PIK3AP1: variants seen among roughly 807,000 people sequenced by gnomAD.
PIK3AP1 encodes the protein phosphoinositide-3-kinase adaptor protein 1, also known as phosphoinositide 3-kinase adapter protein 1.
In PIK3AP1, 21 loss-of-function variants were observed where a neutral mutation model predicts 88.1. The ratio of observed to expected loss-of-function variants is 0.24; its 90% CI spans 0.17 to 0.34. The LOEUF (loss-of-function observed/expected upper bound fraction) is 0.34, where lower values mean the gene tolerates loss of function less well. Among genes scored for constraint, PIK3AP1 ranks in the 10% least tolerant of loss-of-function variants. PIK3AP1 has a pLI of 1.00. For synonymous variants in PIK3AP1, 398 were observed against 400.0 expected (o/e 1.00, Z 0.06); for missense variants, 828 against 1,035.7 (o/e 0.80, Z 2.75).
chr10:96,697,644 G>A (rs774226250), intron 2 of PIK3AP1, among the ~76,000 whole-genome samples: 5 of 151,906 alleles, frequency 3.3e-5, no homozygotes, highest in South Asian at 4.2e-4. Context: ...TGAGAGGATC[G>A]CTTGAGCCTG....
At chr10:96,689,753 C>G (rs567073251) in intron 2 of PIK3AP1, among the ~76,000 whole-genome samples, 1 of 152,248 alleles carries the variant, frequency 6.6e-6, no homozygotes, top group South Asian at 2.1e-4. Flanking sequence ...GAACTGAACT[C>G]ACCCACTGAG....
intron 13 of PIK3AP1, among the ~76,000 whole-genome samples, chr10:96,614,963 G>A (rs1357868093): frequency 6.6e-6 from 1 of 152,194 alleles, no homozygotes; most frequent in Admixed American, 6.5e-5. Flanking sequence ...TCCAGTCTGT[G>A]ATATGTAAAA....
chr10:96,642,195 C>A (rs1439985716), intron 8 of PIK3AP1, among the ~76,000 whole-genome samples: 1 of 152,098 alleles, frequency 6.6e-6, no homozygotes, highest in African/African-American at 2.4e-5. Context: ...GAGGCCAAAG[C>A]AGACGGATTG....
intron 6 of PIK3AP1, among the ~76,000 whole-genome samples, chr10:96,649,623 T>C (rs1843510146): frequency 6.6e-6 from 1 of 152,262 alleles, no homozygotes; most frequent in Admixed American, 6.5e-5. Flanking sequence ...CAAGTAATCC[T>C]GGGTATGTTC....
intron 1 of PIK3AP1, among the ~76,000 whole-genome samples, chr10:96,715,313 G>C (rs553987131): frequency 6.6e-6 from 1 of 152,288 alleles, no homozygotes; most frequent in East Asian, 1.9e-4. Context: ...TCACAGCCTT[G>C]AAGGGCCTAG....
chr10:96,602,019 G>A (rs1343480810), intron 16 of PIK3AP1, among the ~76,000 whole-genome samples: 1 of 152,136 alleles, frequency 6.6e-6, no homozygotes, highest in African/African-American at 2.4e-5. Flanking sequence ...GAGTGGCTGG[G>A]ACTACAGGCG....
In PIK3AP1 at chr10:96,603,988, C is replaced by T; in HGVS notation, c.2232G>A (p.Gly744=). The change falls in exon 15 of 17, where the codon GGG becomes GGA. Residue 744 remains glycine, a synonymous_variant. Transcript: ENST00000339364. ...SLLSVSSGME[G]DNEDNEVPEV... ...GAGTCCCAGCTCTCACCTCGTTGTCCCCTTCCATCCCGCTGCTCACACTGA... is the reference window on the plus strand; with the variant it reads ...GAGTCCCAGCTCTCACCTCGTTGTCTCCTTCCATCCCGCTGCTCACACTGA... The T allele has an allele frequency of 6.2e-7, 1 of 1,605,664 alleles. No homozygotes were observed. The highest frequency in any genetic ancestry group is 1.1e-5 in the South Asian group (1 of 89,298).
At chr10:96,711,691 A>G (rs947876422) in intron 1 of PIK3AP1, among the ~76,000 whole-genome samples, 2 of 150,932 alleles carry the variant, frequency 1.3e-5, no homozygotes, top group Admixed American at 6.6e-5. Context: ...CAACATGTAC[A>G]ATGCAAGCCC....
chr10:96,658,394 C>T (rs1843643464), intron 2 of PIK3AP1, among the ~76,000 whole-genome samples: 1 of 152,150 alleles, frequency 6.6e-6, no homozygotes, highest in African/African-American at 2.4e-5. Flanking sequence ...CCCTGGAAAG[C>T]TGTAACCACA....
chr10:96,614,681 C>T (rs578127333), intron 13 of PIK3AP1, among the ~76,000 whole-genome samples: 5 of 152,194 alleles, frequency 3.3e-5, no homozygotes, highest in Non-Finnish European at 7.3e-5. Flanking sequence ...GACTCATTAG[C>T]TACCAGATGG....
chr10:96,599,855 T>A (rs117540620), intron 16 of PIK3AP1, among the ~76,000 whole-genome samples: 1 of 152,114 alleles, frequency 6.6e-6, no homozygotes, highest in Non-Finnish European at 1.5e-5. Context: ...TCTCCCCATC[T>A]CTATCACAAC....
intron 2 of PIK3AP1, among the ~76,000 whole-genome samples, chr10:96,678,391 C>T (rs539695393): frequency 6.6e-6 from 1 of 152,184 alleles, no homozygotes; most frequent in South Asian, 2.1e-4. Context: ...GTCGAGATCA[C>T]ACCACTGCAC....
At chr10:96,635,868 G>T (rs533668175) in intron 8 of PIK3AP1, among the ~76,000 whole-genome samples, 12 of 152,092 alleles carry the variant, frequency 7.9e-5, no homozygotes, top group Non-Finnish European at 1.8e-4. Context: ...TTGCACGACG[G>T]CACTCCAGCC....
chr10:96,718,078 C>T (rs1171116393), intron 1 of PIK3AP1, among the ~76,000 whole-genome samples: 1 of 152,112 alleles, frequency 6.6e-6, no homozygotes. Context: ...CTATGTGATT[C>T]CATTCATATA....
chr10:96,604,381 A>C, intron 14 of PIK3AP1, among the ~76,000 whole-genome samples: 1 of 72,778 alleles, frequency 1.4e-5, no homozygotes, highest in African/African-American at 5.4e-5. Context: ...TTTTTTTTGT[A>C]GCAACAGGAT....
chr10:96,605,952 C>T lies in PIK3AP1; in HGVS notation c.2171-1903G>A, dbSNP rs921285846. On this transcript the variant is annotated intron_variant, in intron 14 of 16. Transcript: ENST00000339364. ...TACAAAAATTAGCTGGGCGTGGTCG[C>T]GGGTGCCTGTAATTCCAGCTACTTG... is the stretch of plus-strand genomic sequence containing the variant. Among the ~76,000 whole-genome samples, 21 of 152,204 alleles carry T rather than the reference C, an allele frequency of 1.4e-4. No individual in the cohort carries two copies. The East Asian group carries it at 2.1e-3, about 15-fold the overall frequency.
intron 13 of PIK3AP1, 117 bp from the exon 14 acceptor site, chr10:96,609,984 G>C: frequency 7.5e-7 from 1 of 1,333,946 alleles, no homozygotes; most frequent in Non-Finnish European, 1.1e-6. Flanking sequence ...GAAGGGGAAG[G>C]GGAAGGGAAA....
intron 2 of PIK3AP1, among the ~76,000 whole-genome samples, chr10:96,706,018 C>T (rs1301551830): frequency 6.6e-6 from 1 of 151,584 alleles, no homozygotes; most frequent in Non-Finnish European, 1.5e-5. Context: ...CTCAGCCTCC[C>T]GAGTAGCTGG....
At chr10:96,708,772 T>C (rs1844399316) in intron 2 of PIK3AP1, among the ~76,000 whole-genome samples, 1 of 151,324 alleles carries the variant, frequency 6.6e-6, no homozygotes, top group South Asian at 2.1e-4. Context: ...AATGGCAAAA[T>C]ATAGAAGCTA....
Sources: gnomAD v4.1 joint callset for allele counts (sites outside exome capture counted in the v4.1 genomes callset) on GRCh38, gnomAD v4.1.1 for gene constraint, MANE v1.5 for transcripts, NCBI Gene and HGNC (gene_info 2026-07-23, HGNC 2026-07-21) for gene names.